MACROD2: variants seen among roughly 807,000 people sequenced by gnomAD.
MACROD2 encodes ADP-ribose glycohydrolase MACROD2.
MACROD2 carries 36 observed loss-of-function variants against 70.4 expected under a neutral mutation model. The observed-to-expected ratio is 0.51, with a 90% CI of 0.39 to 0.68. The LOEUF (loss-of-function observed/expected upper bound fraction) is 0.68. Among genes scored for constraint, MACROD2 ranks in the 30% least tolerant of loss-of-function variants. MACROD2 has a pLI of 0.00. For synonymous variants in MACROD2, 172 were observed against 178.8 expected (o/e 0.96, Z 0.30); for missense variants, 496 against 538.4 (o/e 0.92, Z 0.78).
intron 5 of MACROD2, among the ~76,000 whole-genome samples, chr20:15,107,631 A>G (rs1414107761): frequency 2.0e-5 from 3 of 151,750 alleles, no homozygotes; most frequent in African/African-American, 4.8e-5. Context: ...GCTTTCTGAG[A>G]CTGTTGTTTC....
At chr20:14,565,511 T>C (rs988295482) in intron 4 of MACROD2, among the ~76,000 whole-genome samples, 1 of 151,404 alleles carries the variant, frequency 6.6e-6, no homozygotes, top group Non-Finnish European at 1.5e-5. Context: ...ATGTAAACCT[T>C]TGGGATTGGC....
Position 14,730,580 on chromosome 20 carries a change from C to G in MACROD2, c.418+45621C>G, listed in dbSNP as rs986007950. On this transcript the variant is annotated intron_variant, in intron 5 of 17. Transcript: ENST00000684519. Reference sequence around the variant, plus strand: ...GAGATACCTTTCAAGAAATTAAGAACAAAGAATTTGCTAGCAACAGACCCT... The same window carrying G: ...GAGATACCTTTCAAGAAATTAAGAAGAAAGAATTTGCTAGCAACAGACCCT... Among the ~76,000 whole-genome samples the G allele has an allele frequency of 2.6e-5, 4 of 152,100 alleles. No homozygotes were observed. The East Asian group carries it at 5.8e-4, about 22-fold the overall frequency.
intron 7 of MACROD2, among the ~76,000 whole-genome samples, chr20:15,498,003 T>G (rs2047319614): frequency 6.6e-6 from 1 of 152,226 alleles, no homozygotes; most frequent in Admixed American, 6.5e-5. Flanking sequence ...AGTTTTACAT[T>G]TTGGTGCATT....
At chr20:15,458,484 C>T (rs1280561849) in intron 7 of MACROD2, among the ~76,000 whole-genome samples, 1 of 152,064 alleles carries the variant, frequency 6.6e-6, no homozygotes, top group Non-Finnish European at 1.5e-5. Context: ...CTGGAGTTAA[C>T]ACTCCAGGTA....
chr20:14,981,021 AGT>A (rs11468972), intron 5 of MACROD2, among the ~76,000 whole-genome samples: 3,564 of 143,076 alleles, frequency 0.025, 48 homozygotes, highest in African/African-American at 0.042. Context: ...TACAAAAAGA[AGT>A]GTGTGTGTGT....
intron 3 of MACROD2, among the ~76,000 whole-genome samples, chr20:14,145,425 TG>T (rs1317264601): frequency 6.6e-6 from 1 of 152,170 alleles, no homozygotes; most frequent in Non-Finnish European, 1.5e-5. Context: ...CATTAATTTG[TG>T]TTTATTTTTC....
intron 3 of MACROD2, among the ~76,000 whole-genome samples, chr20:14,308,087 A>G (rs1053952497): frequency 6.6e-6 from 1 of 152,166 alleles, no homozygotes. Flanking sequence ...GCTTAGAAAG[A>G]AAATACAGAG....
chr20:15,449,940 A>T (rs2146391207), intron 7 of MACROD2, among the ~76,000 whole-genome samples: 1 of 152,318 alleles, frequency 6.6e-6, no homozygotes, highest in Non-Finnish European at 1.5e-5. Flanking sequence ...TTTCAGTGAG[A>T]GCAAAGATTG....
chr20:15,252,140 C>T (rs1489089683), intron 6 of MACROD2, among the ~76,000 whole-genome samples: 1 of 152,178 alleles, frequency 6.6e-6, no homozygotes, highest in Admixed American at 6.5e-5. Context: ...TTTCTGTGAA[C>T]TAATTTTGAG....
At chr20:15,053,856 A>G (rs1345262204) in intron 5 of MACROD2, among the ~76,000 whole-genome samples, 3 of 152,230 alleles carry the variant, frequency 2.0e-5, no homozygotes, top group African/African-American at 7.2e-5. Context: ...TGTTATTAAA[A>G]ACATTTGTGG....
intron 6 of MACROD2, among the ~76,000 whole-genome samples, chr20:15,319,157 A>G (rs932434218): frequency 6.6e-6 from 1 of 152,198 alleles, no homozygotes; most frequent in Non-Finnish European, 1.5e-5. Context: ...AGTTGCTTCT[A>G]TATACCAGTA....
intron 6 of MACROD2, among the ~76,000 whole-genome samples, chr20:15,316,454 G>A (rs955791559): frequency 1.3e-5 from 2 of 151,810 alleles, no homozygotes; most frequent in African/African-American, 2.4e-5. Context: ...AGAGAAAGAA[G>A]GACATTAAAT....
At chr20:14,443,735 A>G (rs1456596284) in intron 3 of MACROD2, among the ~76,000 whole-genome samples, 2 of 152,130 alleles carry the variant, frequency 1.3e-5, no homozygotes, top group Admixed American at 1.3e-4. Flanking sequence ...GCATGAAATC[A>G]AACTGAATTT....
At chr20:15,733,481 C>T (rs998933410) in intron 8 of MACROD2, among the ~76,000 whole-genome samples, 2 of 152,054 alleles carry the variant, frequency 1.3e-5, no homozygotes, top group African/African-American at 4.8e-5. Flanking sequence ...CTAAAATATG[C>T]ATTAAAGGCT....
intron 6 of MACROD2, among the ~76,000 whole-genome samples, chr20:15,323,708 T>C (rs2077896822): frequency 6.6e-6 from 1 of 152,192 alleles, no homozygotes; most frequent in Admixed American, 6.5e-5. Context: ...TTCTACTTCT[T>C]GTGTATTTTT....
chr20:14,388,501 T>C (rs1378173976), intron 3 of MACROD2, among the ~76,000 whole-genome samples: 2 of 152,220 alleles, frequency 1.3e-5, no homozygotes, highest in Admixed American at 6.5e-5. Context: ...TAACACATAT[T>C]TGTATGTTAT....
chr20:15,095,889 G>C (rs2075827868), intron 5 of MACROD2, among the ~76,000 whole-genome samples: 1 of 151,260 alleles, frequency 6.6e-6, no homozygotes, highest in South Asian at 2.1e-4. Flanking sequence ...GTGTGTGTGT[G>C]TGTCTGCAAG....
chr20:15,287,144 C>T (rs2077499579), intron 6 of MACROD2, among the ~76,000 whole-genome samples: 1 of 152,082 alleles, frequency 6.6e-6, no homozygotes, highest in South Asian at 2.1e-4. Context: ...AGGAAGGAAA[C>T]ATAATTCACT....
chr20:15,512,056 T>C (rs6135428), intron 8 of MACROD2, among the ~76,000 whole-genome samples: 53,888 of 152,102 alleles, frequency 0.35, 10,240 homozygotes, highest in East Asian at 0.46. Flanking sequence ...AAGGCTATGT[T>C]AAGTGAGAAC....
Sources: gnomAD v4.1 joint callset for allele counts (sites outside exome capture counted in the v4.1 genomes callset) on GRCh38, gnomAD v4.1.1 for gene constraint, MANE v1.5 for transcripts, NCBI Gene and HGNC (gene_info 2026-07-23, HGNC 2026-07-21) for gene names.